Variants in CSMD1 observed in about 807,000 individuals in gnomAD.
The protein encoded by CSMD1 is CUB and Sushi multiple domains 1, also known as CUB and sushi domain-containing protein 1.
CSMD1 carries 213 observed loss-of-function variants against 417.5 expected under a neutral mutation model. The ratio of observed to expected loss-of-function variants is 0.51; its 90% CI spans 0.46 to 0.57. The LOEUF (loss-of-function observed/expected upper bound fraction) is 0.57. CSMD1 is among the 20% of genes least tolerant of loss of function. The pLI is 0.00. For synonymous variants in CSMD1, 2,862 were observed against 1,736.8 expected, an observed-to-expected ratio of 1.65 and a Z score of -16.11; for missense variants, 6,923 against 4,529.7, an observed-to-expected ratio of 1.53 and a Z score of -15.17.
At chr8:3,254,823 C>G (rs1300365615) in intron 26 of CSMD1, among the ~76,000 whole-genome samples, 2 of 152,070 alleles carry the variant, frequency 1.3e-5, no homozygotes, top group Non-Finnish European at 2.9e-5. Flanking sequence ...CAAACTTCCT[C>G]CTTTAGCTCG....
chr8:3,581,532 T>C (rs1421921792), intron 9 of CSMD1, among the ~76,000 whole-genome samples: 1 of 152,214 alleles, frequency 6.6e-6, no homozygotes, highest in Non-Finnish European at 1.5e-5. Flanking sequence ...AATGCTTCCA[T>C]CAGATATTCC....
chr8:3,664,528 G>T (rs2117475967), intron 7 of CSMD1, among the ~76,000 whole-genome samples: 1 of 152,296 alleles, frequency 6.6e-6, no homozygotes, highest in Admixed American at 6.5e-5. Flanking sequence ...GTATGCTGAT[G>T]GTGGGTCAAG....
chr8:3,507,179 C>T (rs1483895704), intron 10 of CSMD1, among the ~76,000 whole-genome samples: 4 of 152,112 alleles, frequency 2.6e-5, no homozygotes, highest in Non-Finnish European at 5.9e-5. Flanking sequence ...TAGAGGGGAA[C>T]TCAATTGTGA....
At chr8:4,569,356 G>T (rs995779644) in intron 2 of CSMD1, among the ~76,000 whole-genome samples, 1 of 152,068 alleles carries the variant, frequency 6.6e-6, no homozygotes, top group African/African-American at 2.4e-5. Flanking sequence ...ACAGTTTTCT[G>T]CATATGGCTA....
chr8:4,884,750 C>G (rs939083750), intron 1 of CSMD1, among the ~76,000 whole-genome samples: 7 of 152,050 alleles, frequency 4.6e-5, no homozygotes, highest in African/African-American at 1.7e-4. Context: ...TAAGTCACTG[C>G]AACTCTGTCT....
intron 3 of CSMD1, among the ~76,000 whole-genome samples, chr8:4,142,064 A>G (rs116983101): frequency 0.3 from 45,179 of 150,784 alleles, 8,397 homozygotes; most frequent in Non-Finnish European, 0.39. Flanking sequence ...TATAAGTTGA[A>G]AAAAAAATAA....
chr8:4,320,464 C>T (rs879916255), intron 3 of CSMD1, among the ~76,000 whole-genome samples: 20 of 152,100 alleles, frequency 1.3e-4, no homozygotes, highest in Non-Finnish European at 2.8e-4. Context: ...ACCTATCAAC[C>T]TGCGATCTAC....
intron 3 of CSMD1, among the ~76,000 whole-genome samples, chr8:4,044,715 T>C (rs2740906): frequency 0.25 from 38,229 of 151,848 alleles, 4,920 homozygotes; most frequent in East Asian, 0.33. Flanking sequence ...CCTGGATGCA[T>C]AGCACCCTGG....
At chr8:3,423,544 G>A (rs1441468619) in intron 12 of CSMD1, among the ~76,000 whole-genome samples, 1 of 152,096 alleles carries the variant, frequency 6.6e-6, no homozygotes, top group Non-Finnish European at 1.5e-5. Context: ...CCTCCACTGT[G>A]TGGCTTTGGC....
chr8:3,484,416 T>C (rs1195967168), intron 11 of CSMD1, among the ~76,000 whole-genome samples: 3 of 152,218 alleles, frequency 2.0e-5, no homozygotes, highest in Non-Finnish European at 1.5e-5. Context: ...CTCTGTCTCA[T>C]GCCATATACA....
intron 3 of CSMD1, among the ~76,000 whole-genome samples, chr8:4,203,412 T>C (rs1051370503): frequency 2.0e-5 from 3 of 152,146 alleles, no homozygotes; most frequent in African/African-American, 7.2e-5. Flanking sequence ...GCCACTACAT[T>C]TGTGGTAATA....
intron 2 of CSMD1, among the ~76,000 whole-genome samples, chr8:4,510,390 TAAAAAAAAA>T (rs34791623): frequency 5.1e-4 from 28 of 54,636 alleles, no homozygotes; most frequent in South Asian, 1.8e-3. Context: ...GCATAATGCC[TAAAAAAAAA>T]AAAAAAAAAA....
chr8:3,496,470 C>T (rs1053804734), intron 10 of CSMD1, among the ~76,000 whole-genome samples: 2 of 152,176 alleles, frequency 1.3e-5, no homozygotes, highest in Admixed American at 6.5e-5. Context: ...TATTTGAAAT[C>T]TTTCTACTTT....
chr8:4,541,251 G>C (rs553955868), intron 2 of CSMD1, among the ~76,000 whole-genome samples: 27 of 152,292 alleles, frequency 1.8e-4, no homozygotes, highest in Non-Finnish European at 2.6e-4. Flanking sequence ...CTTAGAGTGA[G>C]CCAGTTCGTC....
chr8:4,117,615 G>C (rs1802232075), intron 3 of CSMD1, among the ~76,000 whole-genome samples: 1 of 152,180 alleles, frequency 6.6e-6, no homozygotes, highest in Admixed American at 6.5e-5. Context: ...CTTCCAGTTA[G>C]AGAAAAGGTG....
intron 50 of CSMD1, among the ~76,000 whole-genome samples, chr8:3,040,901 A>G (rs1196704083): frequency 1.3e-5 from 2 of 152,236 alleles, no homozygotes; most frequent in East Asian, 3.8e-4. Context: ...CATATAAAAC[A>G]TTTAATGGAA....
At chr8:3,854,768 G>A (rs564798660) in intron 5 of CSMD1, among the ~76,000 whole-genome samples, 70 of 151,722 alleles carry the variant, frequency 4.6e-4, no homozygotes, top group Non-Finnish European at 1.0e-4. Flanking sequence ...AAAAAAGATC[G>A]ATTAAGAAGT....
chr8:3,783,445 G>A (rs1297703804), intron 5 of CSMD1, among the ~76,000 whole-genome samples: 3 of 152,332 alleles, frequency 2.0e-5, no homozygotes, highest in East Asian at 1.9e-4. Flanking sequence ...CTGATGGCAG[G>A]TCGGGAGCAC....
chr8:3,100,105 G>A (rs932680492), intron 46 of CSMD1, among the ~76,000 whole-genome samples: 3 of 152,072 alleles, frequency 2.0e-5, no homozygotes, highest in Non-Finnish European at 4.4e-5. Flanking sequence ...AGGCTGGAGG[G>A]CAGTGGCAGG....
Sources: gnomAD v4.1 joint callset for allele counts (sites outside exome capture counted in the v4.1 genomes callset) on GRCh38, gnomAD v4.1.1 for gene constraint, MANE v1.5 for transcripts, NCBI Gene and HGNC (gene_info 2026-07-23, HGNC 2026-07-21) for gene names.